The following MLIP variants were observed in gnomAD, a reference collection of about 807,000 sequenced individuals.
MLIP encodes the protein muscular LMNA interacting protein.
A neutral mutation model predicts 84.8 loss-of-function variants in MLIP; 79 were observed. That is an observed-to-expected ratio of 0.93 (90% CI 0.78 to 1.12). The LOEUF is 1.12. Ranked by LOEUF, MLIP falls within the 50% of genes most tolerant of loss-of-function variation. The pLI, the probability that MLIP is intolerant of heterozygous loss-of-function variation, is 0.00. For synonymous variants in MLIP, 504 were observed against 463.0 expected, an observed-to-expected ratio of 1.09 and a Z score of -1.14; for missense variants, 1,257 against 1,160.6, an observed-to-expected ratio of 1.08 and a Z score of -1.21.
intron 11 of MLIP, chr6:54,217,125 G>C (rs897546370): frequency 2.5e-5 from 25 of 985,212 alleles, no homozygotes; most frequent in African/African-American, 2.4e-4. Context: ...GGAGTGAAAG[G>C]CTCCAGTAAT....
intron 11 of MLIP, among the ~76,000 whole-genome samples, chr6:54,205,986 T>C (rs1317023108): frequency 6.6e-6 from 1 of 152,196 alleles, no homozygotes; most frequent in Non-Finnish European, 1.5e-5. Flanking sequence ...ATATTTTTAT[T>C]GATAACTAAA....
At chr6:54,179,843 A>G (rs901495866) in intron 9 of MLIP, among the ~76,000 whole-genome samples, 5 of 152,104 alleles carry the variant, frequency 3.3e-5, no homozygotes, top group African/African-American at 4.8e-5. Context: ...TACCACAATT[A>G]CAGTGTTATA....
At chr6:54,192,138 T>C (rs1777979129) in intron 10 of MLIP, among the ~76,000 whole-genome samples, 1 of 152,068 alleles carries the variant, frequency 6.6e-6, no homozygotes, top group South Asian at 2.1e-4. Flanking sequence ...AAGCATTGCT[T>C]TGAATGACTT....
chr6:54,085,213 C>T (rs1053898039), intron 1 of MLIP, among the ~76,000 whole-genome samples: 2 of 152,168 alleles, frequency 1.3e-5, no homozygotes, highest in Non-Finnish European at 2.9e-5. Context: ...CCATTTCTAA[C>T]TGGCTGTGGT....
chr6:54,141,031 T>C (rs867731485), intron 4 of MLIP, among the ~76,000 whole-genome samples: 2 of 152,160 alleles, frequency 1.3e-5, no homozygotes, highest in South Asian at 2.1e-4. Context: ...TGGCATCTAA[T>C]TAAAACATGA....
In MLIP at chr6:54,183,958, A is replaced by T. The variant is rs116122629; in HGVS notation, c.2545-5912A>T. Among the ~76,000 whole-genome samples, 1,288 of 152,176 alleles carry T rather than the reference A, an allele frequency of 8.5e-3. 19 individuals carry two copies. Among genetic ancestry groups the T allele is most frequent in the African/African-American group, 0.029 (1,202 of 41,512 alleles). ...TTTTCAACATGGATTCATTGTTTTG[A>T]CCAGTGCCTTATGTACAAACAATAA... On this transcript the variant is annotated intron_variant, in intron 9 of 13. Coordinates refer to ENST00000502396, the MANE Select transcript of MLIP (RefSeq NM_001281747.2).
chr6:54,090,213 C>T (rs1213129248), intron 1 of MLIP, among the ~76,000 whole-genome samples: 3 of 152,094 alleles, frequency 2.0e-5, no homozygotes, highest in Non-Finnish European at 2.9e-5. Context: ...GCTTTCTTCT[C>T]AACTTTTCCA....
intron 12 of MLIP, among the ~76,000 whole-genome samples, chr6:54,250,155 A>G (rs1037623618): frequency 3.9e-5 from 6 of 152,150 alleles, no homozygotes; most frequent in African/African-American, 7.2e-5. Context: ...CAAAACCACA[A>G]TGAGATACCA....
intron 1 of MLIP, among the ~76,000 whole-genome samples, chr6:54,100,685 G>C (rs751922364): frequency 1.3e-5 from 2 of 152,018 alleles, no homozygotes; most frequent in African/African-American, 4.8e-5. Context: ...TATTTTCTCT[G>C]TGGTAGGCAC....
chr6:54,221,625 A>G (rs967111433), intron 11 of MLIP, among the ~76,000 whole-genome samples: 2 of 152,146 alleles, frequency 1.3e-5, no homozygotes, highest in African/African-American at 4.8e-5. Context: ...CTCTATCTTC[A>G]TAAGGCAAAA....
At chr6:54,042,430 A>G (rs879292640) in intron 1 of MLIP, among the ~76,000 whole-genome samples, 5 of 151,980 alleles carry the variant, frequency 3.3e-5, no homozygotes, top group Non-Finnish European at 7.4e-5. Context: ...ATATATTTAC[A>G]GATTTATAAC....
chr6:54,140,624 AT>A (rs1772210972), intron 4 of MLIP, among the ~76,000 whole-genome samples: 1 of 152,130 alleles, frequency 6.6e-6, no homozygotes, highest in Admixed American at 6.5e-5. Flanking sequence ...TTTCATGTTT[AT>A]TTTCTCCTTG....
chr6:54,056,484 A>G (rs1038773642), intron 1 of MLIP, among the ~76,000 whole-genome samples: 4 of 152,254 alleles, frequency 2.6e-5, no homozygotes, highest in African/African-American at 4.8e-5. Context: ...AGATTGCTCT[A>G]TGAATTGATG....
At chr6:54,083,538 ACTG>A (rs1431340959) in intron 1 of MLIP, 7 of 1,535,898 alleles carry the variant, frequency 4.6e-6, no homozygotes, top group Non-Finnish European at 6.1e-6. Flanking sequence ...CGTTACAACC[ACTG>A]CTTTCTTGAC....
chr6:54,032,768 G>C lies in MLIP; in HGVS notation c.63+13677G>C, dbSNP rs551358996. ...AGGGTTTTGCCATGTTGGCTAGGCT[G>C]GTCTTCAACTCCTGGCCTCAAGTGA... On this transcript the variant is annotated intron_variant, in intron 1 of 12. Coordinates refer to the MLIP transcript ENST00000274897. 5.3e-5 allele frequency among the ~76,000 whole-genome samples: 8 copies of C among 152,208 alleles called. No homozygotes were observed. The South Asian group carries it at 1.7e-3, about 32-fold the overall frequency.
In MLIP at chr6:54,215,232, T is replaced by C. The variant is rs1377710529; in HGVS notation, c.2718+12999T>C. 3 of 1,527,000 alleles carry C rather than the reference T, an allele frequency of 2.0e-6. No individual in the cohort carries two copies. The Admixed American group carries it at 6.1e-5, about 31-fold the overall frequency. 94.6% of individuals were successfully genotyped at this position (1,527,000 alleles called of 1,614,324 possible). On this transcript the variant is annotated intron_variant, in intron 11 of 13. Transcript: ENST00000502396. ...TGAGGAACCCTATCCTTGTGGCTAG[T>C]TACTGTAGCCTTTGACTTTCCTACT...
chr6:54,027,491 A>T (rs2150274819), intron 1 of MLIP, among the ~76,000 whole-genome samples: 1 of 152,002 alleles, frequency 6.6e-6, no homozygotes, highest in South Asian at 2.1e-4. Flanking sequence ...TCTTTCTGTC[A>T]TTCCTACCAC....
intron 1 of MLIP, chr6:54,028,803 A>C (rs1191358088): frequency 3.9e-5 from 6 of 152,216 alleles, no homozygotes; most frequent in Non-Finnish European, 7.3e-5. Flanking sequence ...CCTTCTTTAC[A>C]GTCATGCCTT....
upstream of MLIP, among the ~76,000 whole-genome samples, chr6:54,108,342 G>A (rs1254629275): frequency 6.6e-6 from 1 of 152,158 alleles, no homozygotes; most frequent in Non-Finnish European, 1.5e-5. Flanking sequence ...GTAATTAGAG[G>A]ATAGATTCTC....
Sources: gnomAD v4.1 joint callset for allele counts (sites outside exome capture counted in the v4.1 genomes callset) on GRCh38, gnomAD v4.1.1 for gene constraint, MANE v1.5 for transcripts, NCBI Gene and HGNC (gene_info 2026-07-23, HGNC 2026-07-21) for gene names.